PRKAB2: variants seen among roughly 807,000 people sequenced by gnomAD.
PRKAB2 encodes the protein protein kinase AMP-activated non-catalytic subunit beta 2.
In PRKAB2, 18 loss-of-function variants were observed where a neutral mutation model predicts 29.8. That is an observed-to-expected ratio of 0.60 (90% confidence interval 0.42 to 0.89). PRKAB2 has a LOEUF of 0.89. Ranked by LOEUF, PRKAB2 falls within the 40% of genes least tolerant of loss-of-function variation. The probability of loss-of-function intolerance (pLI) is 0.00; values close to 1 mark genes in which losing one functional copy is unlikely to be tolerated. For missense variants in PRKAB2, 270 were observed against 344.3 expected (o/e 0.78, Z 1.71); for synonymous variants, 136 against 125.9 (o/e 1.08, Z -0.54).
intron 5 of PRKAB2, among the ~76,000 whole-genome samples, chr1:147,162,895 C>A (rs868926119): frequency 6.6e-5 from 10 of 152,224 alleles, no homozygotes; most frequent in Middle Eastern, 6.8e-3. Context: ...TGGTCAGTTT[C>A]TTTATAAAAT....
chr1:147,169,020 G>A (rs1373718553), intron 2 of PRKAB2, among the ~76,000 whole-genome samples: 4 of 152,182 alleles, frequency 2.6e-5, no homozygotes, highest in African/African-American at 4.8e-5. Flanking sequence ...GCAGAATTGC[G>A]TAGCTATAAC....
chr1:147,162,171 TAAC>T (rs1302379711), intron 6 of PRKAB2, among the ~76,000 whole-genome samples: 1 of 151,878 alleles, frequency 6.6e-6, no homozygotes, highest in Non-Finnish European at 1.5e-5. Context: ...CCCCAAATGA[TAAC>T]TACTCCTTTA....
chr1:147,155,785 G>C lies in PRKAB2; in HGVS notation c.*3780C>G, dbSNP rs1653641690. On this transcript the variant is annotated 3_prime_UTR_variant, in exon 8 of 8. Coordinates refer to ENST00000254101, the MANE Select transcript of PRKAB2 (RefSeq NM_005399.5). The stretch of plus-strand genomic sequence containing the variant: ...CTTATTCACTTCAAAGCACAACTGA[G>C]AAAAGCAAATCCAGACAAAGCCCAA... 6.6e-6 allele frequency: 1 copy of C among 152,548 alleles called. No homozygotes were observed. The highest frequency in any genetic ancestry group is 2.1e-4 in the South Asian group (1 of 4,830). 9.4% of individuals were successfully genotyped at this position (152,548 alleles called of 1,614,324 possible). A position where few individuals can be genotyped will look rare whatever the true frequency, so the allele number is the denominator to read the frequency against.
chr1:147,162,274 GCTGTGACTCACCA>G (rs1422390209), intron 6 of PRKAB2, among the ~76,000 whole-genome samples, 153 bp downstream of exon 6: 26 of 152,108 alleles, frequency 1.7e-4, no homozygotes, highest in African/African-American at 5.8e-4. Flanking sequence ...ACCTGAAAAA[GCTGTGACTCACCA>G]CTGGAAAAAG....
chr1:147,160,253 C>T (rs2101615753), intron 7 of PRKAB2, among the ~76,000 whole-genome samples: 1 of 152,164 alleles, frequency 6.6e-6, no homozygotes. Flanking sequence ...AGAAAGACAC[C>T]CAATCCAATG....
chr1:147,156,314 T>C lies in PRKAB2; in HGVS notation c.*3251A>G, dbSNP rs1414912734. ...TTAAAAGCAAGGAGTTCTATTAGTATGTCTTCTTCATTTATATCCCAGATT... is the reference window on the plus strand; with the variant it reads ...TTAAAAGCAAGGAGTTCTATTAGTACGTCTTCTTCATTTATATCCCAGATT... On this transcript the variant is annotated 3_prime_UTR_variant, in exon 8 of 8. Transcript: ENST00000254101. The C allele has an allele frequency of 6.6e-6, 1 of 152,606 alleles. No individual in the cohort carries two copies. The highest frequency in any genetic ancestry group is 1.5e-5 in the Non-Finnish European group (1 of 68,022). The allele number at this position is 152,606 out of a possible 1,614,324, so 9.5% of individuals were successfully genotyped here.
rs1179716898 is a variant in PRKAB2 at position 147,159,038 on chromosome 1, C to T, written c.*527G>A. ...AGGGTTCTTGTGGGGCATCTGGTAT[C>T]ATATAAACAACACAGATTGTGCCAC... On this transcript the variant is annotated 3_prime_UTR_variant, in exon 8 of 8. Coordinates refer to ENST00000254101, the MANE Select transcript of PRKAB2 (RefSeq NM_005399.5). 1.3e-5 allele frequency: 2 copies of T among 153,330 alleles called. No homozygotes were observed. Among genetic ancestry groups the T allele is most frequent in the African/African-American group, 4.8e-5 (2 of 41,412 alleles). The allele number at this position is 153,330 out of a possible 1,614,324, so 9.5% of individuals were successfully genotyped here. A position where few individuals can be genotyped will look rare whatever the true frequency, so the allele number is the denominator to read the frequency against.
In PRKAB2 at chr1:147,171,730, G is replaced by A. The variant is rs587759797; in HGVS notation, c.156+259C>T. Among the ~76,000 whole-genome samples the A allele has an allele frequency of 8.3e-4, 126 of 152,234 alleles. 1 individual carries two copies. The highest frequency in any genetic ancestry group is 3.0e-3 in the African/African-American group (123 of 41,532). On this transcript the variant is annotated intron_variant, in intron 2 of 7. Transcript: ENST00000254101. ...CTCGGAGGATCGGGGATGGGGGGAT[G>A]TCTATTGTCCCCATCCTAAAAATGT... is the stretch of plus-strand genomic sequence containing the variant.
rs1276387180 is a variant in PRKAB2 at position 147,157,664 on chromosome 1, G to C, written c.*1901C>G. On this transcript the variant is annotated 3_prime_UTR_variant, in exon 8 of 8. Transcript: ENST00000254101. ...CCTAAGTGGCCCACTTATTTAATGAGTATTGGATAAAAACAAAATTCTAGT... is the reference window on the plus strand; with the variant it reads ...CCTAAGTGGCCCACTTATTTAATGACTATTGGATAAAAACAAAATTCTAGT... 1.3e-5 allele frequency: 2 copies of C among 152,042 alleles called. No individual in the cohort carries two copies. Among genetic ancestry groups the C allele is most frequent in the Non-Finnish European group, 2.9e-5 (2 of 67,986 alleles). The allele number at this position is 152,042 out of a possible 1,614,324, so 9.4% of individuals were successfully genotyped here.
chr1:147,172,445 C>T lies in PRKAB2; in HGVS notation c.-40G>A. The T allele has an allele frequency of 2.1e-6, 1 of 484,766 alleles. No individual in the cohort carries two copies. The highest frequency in any genetic ancestry group is 3.6e-6 in the Non-Finnish European group (1 of 274,710). The allele number at this position is 484,766 out of a possible 1,614,324, so 30.0% of individuals were successfully genotyped here. On this transcript the variant is annotated 5_prime_UTR_variant, in exon 1 of 8. Transcript: ENST00000254101. ...TCCAGTCACCTCGGGCGATGCGCTC[C>T]CTCCTCCAAGGGCCACTGATGTGAT...
rs1213874804 is a variant in PRKAB2, at chr1:147,159,357, T to C, written c.*208A>G. On this transcript the variant is annotated 3_prime_UTR_variant, in exon 8 of 8. Transcript: ENST00000254101. The stretch of plus-strand genomic sequence containing the variant: ...TCCATTTACCTTCTTCTCATATGTA[T>C]ATTTTTTTTTCTTAAAATAAATTCC... 3.8e-6 allele frequency: 2 copies of C among 523,150 alleles called. No homozygotes were observed. Among genetic ancestry groups the C allele is most frequent in the Non-Finnish European group, 6.8e-6 (2 of 294,700 alleles). 32.4% of individuals were successfully genotyped at this position (523,150 alleles called of 1,614,324 possible). A position where few individuals can be genotyped will look rare whatever the true frequency, so the allele number is the denominator to read the frequency against.
intron 5 of PRKAB2, among the ~76,000 whole-genome samples, chr1:147,165,729 C>T (rs1050778471): frequency 2.1e-5 from 3 of 145,694 alleles, no homozygotes; most frequent in African/African-American, 7.5e-5. Context: ...CTACCATAGA[C>T]TTTTTTTTTT....
In PRKAB2 at chr1:147,156,444, T is replaced by C. The variant is rs2101608463; in HGVS notation, c.*3121A>G. ...TTCAAAGTTTTTATCCCAGACCCAT[T>C]AGATCTACAAGATACTAGAAAGAAT... is the stretch of plus-strand genomic sequence containing the variant. On this transcript the variant is annotated 3_prime_UTR_variant, in exon 8 of 8. Coordinates refer to ENST00000254101, the MANE Select transcript of PRKAB2 (RefSeq NM_005399.5). 1 of 152,420 alleles carries C rather than the reference T, an allele frequency of 6.6e-6. No individual in the cohort carries two copies. Among genetic ancestry groups the C allele is most frequent in the South Asian group, 2.1e-4 (1 of 4,816 alleles). The allele number at this position is 152,420 out of a possible 1,614,324, so 9.4% of individuals were successfully genotyped here.
chr1:147,163,978 C>T (rs1407787240), intron 5 of PRKAB2, among the ~76,000 whole-genome samples: 2 of 151,962 alleles, frequency 1.3e-5, no homozygotes, highest in Admixed American at 6.6e-5. Flanking sequence ...TCTGTGTCAC[C>T]GAGTCTGGAG....
intron 2 of PRKAB2, among the ~76,000 whole-genome samples, chr1:147,170,097 C>A (rs587704840): frequency 6.6e-6 from 1 of 152,188 alleles, no homozygotes; most frequent in African/African-American, 2.4e-5. Flanking sequence ...AGCAAAACTA[C>A]CAGGAAAAGA....
intron 2 of PRKAB2, among the ~76,000 whole-genome samples, chr1:147,168,986 T>C (rs147247852): frequency 1.3e-5 from 2 of 152,328 alleles, no homozygotes; most frequent in African/African-American, 4.8e-5. Context: ...CTATATTGTC[T>C]ATAGCTGCTT....
In PRKAB2 at chr1:147,166,579, T is replaced by A; in HGVS notation, c.457A>T (p.Ile153Phe). ...TSQLGTINNL[I>F]HVKKSDFEVF... ...TCAAAATCAGATTTCTTGACATGGA[T>A]CAAATTGTTAATTGTGCCAAGCTGA... Residue 153 changes from isoleucine (I) to phenylalanine (F), a missense_variant, in exon 5 of 8, where the codon ATC (isoleucine) becomes TTC (phenylalanine). Physicochemically the swap from Ile to Phe is conservative, Grantham distance 21. This residue lies in a region of PRKAB2 where 228 missense variants were observed against 255.5 expected (regional missense o/e 0.89). Transcript: ENST00000254101. 1 of 1,614,154 alleles carries A rather than the reference T, an allele frequency of 6.2e-7. No individual in the cohort carries two copies. The highest frequency in any genetic ancestry group is 8.5e-7 in the Non-Finnish European group (1 of 1,179,996).
At position 147,167,873 on chromosome 1, in the gene PRKAB2, T is replaced by C; in HGVS notation, c.217A>G (p.Thr73Ala). 1.2e-6 allele frequency: 2 copies of C among 1,614,178 alleles called. No homozygotes were observed. The highest frequency in any genetic ancestry group is 4.5e-5 in the East Asian group (2 of 44,880). ...QQDLEDSVKPTQQARPTVIRW... is the reference protein window; with the variant it reads ...QQDLEDSVKPAQQARPTVIRW... ...ATAACAGTGGGCCGGGCCTGCTGTGTGGGCTTTACGGAGTCCTCCAAATCC... is the reference window on the plus strand; with the variant it reads ...ATAACAGTGGGCCGGGCCTGCTGTGCGGGCTTTACGGAGTCCTCCAAATCC... The change falls in exon 3 of 8, where the codon ACA (threonine) becomes GCA (alanine). Residue 73 changes from threonine to alanine, a missense_variant. Transcript: ENST00000254101.
At chr1:147,170,738 C>T (rs886217711) in intron 2 of PRKAB2, among the ~76,000 whole-genome samples, 3 of 152,082 alleles carry the variant, frequency 2.0e-5, no homozygotes, top group African/African-American at 7.2e-5. Context: ...CACCAGCATG[C>T]CCGGCTACTT....
Sources: allele counts gnomAD v4.1 joint callset (sites outside exome capture counted in the v4.1 genomes callset), GRCh38; gene constraint gnomAD v4.1.1; regional missense constraint gnomAD v4.1.1; transcripts MANE v1.5; gene names NCBI Gene and HGNC (gene_info 2026-07-23, HGNC 2026-07-21).